CNTNAP2: variants seen among roughly 807,000 people sequenced by gnomAD.
CNTNAP2 encodes the protein contactin associated protein 2.
Under a neutral mutation model 155.2 loss-of-function variants are expected in CNTNAP2, and 98 were observed. The observed-to-expected ratio is 0.63, with a 90% CI of 0.54 to 0.75. The LOEUF (loss-of-function observed/expected upper bound fraction) is 0.75, where lower values mean the gene tolerates loss of function less well. CNTNAP2 is among the 30% of genes least tolerant of loss of function. The probability of loss-of-function intolerance (pLI) is 0.00; values close to 1 mark genes in which losing one functional copy is unlikely to be tolerated. For missense variants in CNTNAP2, 1,727 were observed against 1,688.1 expected (o/e 1.02, Z -0.40); for synonymous variants, 651 against 631.2 (o/e 1.03, Z -0.47).
At chr7:147,326,207 A>AACCCCCAC (rs1251607963) in intron 9 of CNTNAP2, among the ~76,000 whole-genome samples, 1 of 152,206 alleles carries the variant, frequency 6.6e-6, no homozygotes, top group Non-Finnish European at 1.5e-5. Flanking sequence ...TACAGGCGTT[A>AACCCCCAC]GCCACTGCGC....
intron 1 of CNTNAP2, among the ~76,000 whole-genome samples, chr7:146,310,738 G>T (rs779239875): frequency 1.3e-5 from 2 of 151,868 alleles, no homozygotes; most frequent in African/African-American, 4.8e-5. Context: ...TGATATTCAC[G>T]GTCTATCAAT....
chr7:147,605,410 T>C (rs1801040986), intron 12 of CNTNAP2, among the ~76,000 whole-genome samples: 2 of 152,144 alleles, frequency 1.3e-5, no homozygotes, highest in South Asian at 2.1e-4. Flanking sequence ...CAGAAAGGAA[T>C]AGGGGCCTGA....
chr7:146,542,887 A>G (rs1170408278), intron 1 of CNTNAP2, among the ~76,000 whole-genome samples: 1 of 151,956 alleles, frequency 6.6e-6, no homozygotes, highest in African/African-American at 2.4e-5. Flanking sequence ...CAGAGAGTAG[A>G]ATGGTGATTA....
At chr7:146,839,326 TGA>T (rs1562968585) in intron 2 of CNTNAP2, among the ~76,000 whole-genome samples, 53 of 152,290 alleles carry the variant, frequency 3.5e-4, no homozygotes, top group African/African-American at 1.1e-3. Context: ...ATTTATTAAA[TGA>T]TAAAGTTTAC....
At chr7:146,866,513 G>A (rs1245116822) in intron 3 of CNTNAP2, among the ~76,000 whole-genome samples, 1 of 151,970 alleles carries the variant, frequency 6.6e-6, no homozygotes, top group Non-Finnish European at 1.5e-5. Flanking sequence ...CATTCCCACT[G>A]TTTTCTCATG....
At chr7:147,812,040 G>A (rs1193506806) in intron 13 of CNTNAP2, among the ~76,000 whole-genome samples, 1 of 152,188 alleles carries the variant, frequency 6.6e-6, no homozygotes, top group Non-Finnish European at 1.5e-5. Context: ...GCCTGGAGTT[G>A]TGAGGATGGC....
intron 1 of CNTNAP2, among the ~76,000 whole-genome samples, chr7:146,713,183 G>T (rs1339251118): frequency 1.3e-5 from 2 of 152,028 alleles, no homozygotes; most frequent in Non-Finnish European, 2.9e-5. Flanking sequence ...ACAAAATACT[G>T]AAAGAATTAA....
intron 2 of CNTNAP2, among the ~76,000 whole-genome samples, chr7:146,794,422 A>T (rs950650198): frequency 6.6e-6 from 1 of 152,214 alleles, no homozygotes; most frequent in African/African-American, 2.4e-5. Context: ...TGCATTCTTT[A>T]ACAAGGATAA....
At chr7:147,407,186 A>C (rs1370790722) in intron 10 of CNTNAP2, among the ~76,000 whole-genome samples, 1 of 152,160 alleles carries the variant, frequency 6.6e-6, no homozygotes, top group Non-Finnish European at 1.5e-5. Context: ...CATACACATA[A>C]GGCCGGGTGC....
chr7:146,353,913 T>G (rs1194496771), intron 1 of CNTNAP2, among the ~76,000 whole-genome samples: 1 of 152,206 alleles, frequency 6.6e-6, no homozygotes, highest in Non-Finnish European at 1.5e-5. Context: ...TTATAATGCA[T>G]TAATTACAAT....
intron 20 of CNTNAP2, among the ~76,000 whole-genome samples, chr7:148,241,257 C>T (rs147846716): frequency 2.2e-3 from 329 of 152,212 alleles, no homozygotes; most frequent in African/African-American, 7.1e-3. Context: ...CCCAATAAAA[C>T]GGTAGTTTTC....
chr7:146,713,262 A>T (rs1245594606), intron 1 of CNTNAP2, among the ~76,000 whole-genome samples: 1 of 152,182 alleles, frequency 6.6e-6, no homozygotes, highest in Non-Finnish European at 1.5e-5. Context: ...AATGAAAGTG[A>T]GGGGAAGAAA....
intron 1 of CNTNAP2, among the ~76,000 whole-genome samples, chr7:146,179,465 C>G (rs1444709151): frequency 3.3e-5 from 5 of 152,062 alleles, no homozygotes; most frequent in Non-Finnish European, 1.5e-5. Flanking sequence ...ATGATCCAAA[C>G]TAATTGATAT....
At chr7:146,622,825 C>T (rs892032145) in intron 1 of CNTNAP2, among the ~76,000 whole-genome samples, 1 of 151,822 alleles carries the variant, frequency 6.6e-6, no homozygotes, top group Non-Finnish European at 1.5e-5. Flanking sequence ...GGCATGGTGG[C>T]CTGTACCTGT....
chr7:146,251,978 C>T (rs1799762948), intron 1 of CNTNAP2, among the ~76,000 whole-genome samples: 2 of 152,250 alleles, frequency 1.3e-5, no homozygotes, highest in East Asian at 1.9e-4. Context: ...GCTTTTTGTT[C>T]ATCTGAGGAC....
intron 3 of CNTNAP2, among the ~76,000 whole-genome samples, chr7:146,977,043 T>G (rs1287534727): frequency 6.6e-6 from 1 of 152,158 alleles, no homozygotes; most frequent in Non-Finnish European, 1.5e-5. Context: ...GAGAGTCTGT[T>G]TTCTGAGGTT....
intron 9 of CNTNAP2, among the ~76,000 whole-genome samples, chr7:147,385,712 G>A (rs1157738385): frequency 6.6e-6 from 1 of 152,220 alleles, no homozygotes; most frequent in Non-Finnish European, 1.5e-5. Context: ...TCAAGAGCTG[G>A]TGTTGAGTCT....
chr7:147,714,471 A>C (rs1796452082), intron 13 of CNTNAP2, among the ~76,000 whole-genome samples: 1 of 151,988 alleles, frequency 6.6e-6, no homozygotes, highest in South Asian at 2.1e-4. Flanking sequence ...TCAAAAAAAA[A>C]AGACAAGAGG....
At chr7:146,227,064 T>C (rs1242422915) in intron 1 of CNTNAP2, among the ~76,000 whole-genome samples, 2 of 152,136 alleles carry the variant, frequency 1.3e-5, no homozygotes, top group Non-Finnish European at 2.9e-5. Flanking sequence ...GACACACTTA[T>C]GTATAGATAG....
Sources: allele counts gnomAD v4.1 joint callset (sites outside exome capture counted in the v4.1 genomes callset), GRCh38; gene constraint gnomAD v4.1.1; transcripts MANE v1.5; gene names NCBI Gene and HGNC (gene_info 2026-07-23, HGNC 2026-07-21).